SOX30: variants seen among roughly 807,000 people sequenced by gnomAD.
The protein encoded by SOX30 is transcription factor SOX-30.
Under a neutral mutation model 58.6 loss-of-function variants are expected in SOX30, and 17 were observed. The ratio of observed to expected loss-of-function variants is 0.29; its 90% CI spans 0.20 to 0.44. SOX30 has a LOEUF of 0.44. Among genes scored for constraint, SOX30 ranks in the 20% least tolerant of loss-of-function variants. SOX30 has a pLI of 1.00. For synonymous variants in SOX30, 421 were observed against 400.2 expected, an observed-to-expected ratio of 1.05 and a Z score of -0.62; for missense variants, 951 against 965.8, an observed-to-expected ratio of 0.98 and a Z score of 0.20.
intron 2 of SOX30, among the ~76,000 whole-genome samples, chr5:157,662,758 A>C (rs1368269128): frequency 6.6e-6 from 1 of 152,184 alleles, no homozygotes; most frequent in South Asian, 2.1e-4. Context: ...CTTATATCTG[A>C]TAAGAAACAT....
rs938247875 is a variant in SOX30 at position 157,648,960 on chromosome 5, G to A, written c.968-64C>T. 25 of 1,524,602 alleles carry A rather than the reference G, an allele frequency of 1.6e-5. 1 individual carries two copies. The highest frequency in any genetic ancestry group is 3.9e-5 in the South Asian group (3 of 77,374). The allele number at this position is 1,524,602 out of a possible 1,614,324, so 94.4% of individuals were successfully genotyped here. A position where few individuals can be genotyped will look rare whatever the true frequency, so the allele number is the denominator to read the frequency against. ...TACACACACACACACACAATTTTAAGGTAAAGTGCACCTCCGTCTATACTT... is the reference window on the plus strand; with the variant it reads ...TACACACACACACACACAATTTTAAAGTAAAGTGCACCTCCGTCTATACTT... On this transcript the variant is annotated intron_variant, in intron 1 of 4. Coordinates refer to ENST00000265007, the MANE Select transcript of SOX30 (RefSeq NM_178424.2).
chr5:157,635,236 T>C (rs1003428647), intron 4 of SOX30, among the ~76,000 whole-genome samples: 3 of 152,246 alleles, frequency 2.0e-5, no homozygotes, highest in Non-Finnish European at 4.4e-5. Context: ...TAAAATTCAG[T>C]ATAATAGCTA....
At chr5:157,644,410 T>C (rs545457431) in intron 3 of SOX30, among the ~76,000 whole-genome samples, 44 of 152,342 alleles carry the variant, frequency 2.9e-4, no homozygotes, top group African/African-American at 1.0e-3. Flanking sequence ...CTGAAGTGCT[T>C]CCTATAATTC....
At chr5:157,666,415 C>T (rs767548047) in intron 2 of SOX30, among the ~76,000 whole-genome samples, 12 of 151,778 alleles carry the variant, frequency 7.9e-5, no homozygotes, top group Non-Finnish European at 1.5e-4. Context: ...CCCTCTCAGC[C>T]TCCCAAAGTG....
intron 3 of SOX30, among the ~76,000 whole-genome samples, chr5:157,641,124 C>G (rs1484655296): frequency 6.6e-6 from 1 of 152,064 alleles, no homozygotes; most frequent in African/African-American, 2.4e-5. Context: ...TGCCATGGCT[C>G]ACATTTGTAA....
chr5:157,664,779 T>C lies in SOX30; in HGVS notation c.52+3019A>G, dbSNP rs184748854. Among the ~76,000 whole-genome samples, 20 of 152,164 alleles carry C rather than the reference T, an allele frequency of 1.3e-4. 1 individual carries two copies. In the East Asian group the frequency reaches 3.9e-3, roughly 29 times the overall value. ...AGAAAAAATCAACCCCATCAAAAAG[T>C]GGGTGAAGGATATGAACAGACCCTT... On this transcript the variant is annotated intron_variant, in intron 2 of 5. Coordinates refer to the SOX30 transcript ENST00000519442.
intron 1 of SOX30, among the ~76,000 whole-genome samples, chr5:157,670,370 C>A (rs756506423): frequency 6.6e-6 from 1 of 152,118 alleles, no homozygotes; most frequent in Non-Finnish European, 1.5e-5. Flanking sequence ...GCAGACAGAG[C>A]TTAAAAAGAG....
rs1758647596 is a variant in SOX30, at chr5:157,626,229, T to A, written c.*111A>T. 9.8e-7 allele frequency: 1 copy of A among 1,023,602 alleles called. No homozygotes were observed. The allele number at this position is 1,023,602 out of a possible 1,614,324, so 63.4% of individuals were successfully genotyped here. A position where few individuals can be genotyped will look rare whatever the true frequency, so the allele number is the denominator to read the frequency against. ...TTGCATTTGGTTTTAACTCCTCAAA[T>A]CACGACTGAAAACTTTCAACAAAGA... On this transcript the variant is annotated 3_prime_UTR_variant, in exon 5 of 5. Transcript: ENST00000265007.
intron 1 of SOX30, among the ~76,000 whole-genome samples, chr5:157,668,069 C>T (rs370122166): frequency 6.2e-4 from 94 of 152,302 alleles, no homozygotes; most frequent in South Asian, 1.2e-3. Flanking sequence ...GCCAGGCTGC[C>T]GCCCCAGTGA....
chr5:157,626,440 T>G lies in SOX30; in HGVS notation c.2162A>C (p.Asn721Thr). 6.2e-7 allele frequency: 1 copy of G among 1,614,228 alleles called. No individual in the cohort carries two copies. The highest frequency in any genetic ancestry group is 8.5e-7 in the Non-Finnish European group (1 of 1,180,042). The change falls in exon 5 of 5, where the codon AAT becomes ACT. Residue 721 changes from asparagine (N) to threonine (T), a missense_variant. This residue lies in a region of SOX30 where 381 missense variants were observed against 390.0 expected (regional missense o/e 0.98). Coordinates refer to ENST00000265007, the MANE Select transcript of SOX30 (RefSeq NM_178424.2). ...VPQLDIGTLE[N>T]VFTAPTSTPS... is the part of the protein sequence containing the mutation. Reference sequence around the variant, plus strand: ...AGTTGATGTCGGGGCTGTGAAGACATTCTCCAAGGTTCCAATGTCCAGCTG... The same window carrying G: ...AGTTGATGTCGGGGCTGTGAAGACAGTCTCCAAGGTTCCAATGTCCAGCTG...
chr5:157,667,371 C>T (rs1759692741), intron 2 of SOX30, among the ~76,000 whole-genome samples: 1 of 152,192 alleles, frequency 6.6e-6, no homozygotes, highest in South Asian at 2.1e-4. Flanking sequence ...AAATACATTT[C>T]ATTTCCCCTC....
chr5:157,665,573 A>C (rs1341680232), intron 2 of SOX30, among the ~76,000 whole-genome samples: 2 of 151,216 alleles, frequency 1.3e-5, no homozygotes, highest in Non-Finnish European at 2.9e-5. Flanking sequence ...CATTGTGCAC[A>C]TGTACCCTAA....
intron 3 of SOX30, among the ~76,000 whole-genome samples, chr5:157,645,754 C>T (rs1464853066): frequency 2.0e-5 from 3 of 151,828 alleles, no homozygotes; most frequent in East Asian, 1.9e-4. Context: ...GGCGTGGTGG[C>T]TCACACCTGT....
At chr5:157,638,823 T>A (rs1430687156) in intron 3 of SOX30, 101 bp from the exon 4 acceptor site, 29 of 1,145,880 alleles carry the variant, frequency 2.5e-5, no homozygotes. Flanking sequence ...GAGGCCTTCA[T>A]CAATCACCTT....
At position 157,625,979 on chromosome 5, in the gene SOX30, A is replaced by G. The variant is rs985269420; in HGVS notation, c.*361T>C. The G allele has an allele frequency of 1.2e-5, 2 of 161,688 alleles. No homozygotes were observed. Among genetic ancestry groups the G allele is most frequent in the African/African-American group, 4.8e-5 (2 of 41,874 alleles). The allele number at this position is 161,688 out of a possible 1,614,324, so 10.0% of individuals were successfully genotyped here. ...AAACAAAAAATCATTTAAAAAATGT[A>G]TCCTGAGATAAAATAAAAATCACAC... is the stretch of plus-strand genomic sequence containing the variant. On this transcript the variant is annotated 3_prime_UTR_variant, in exon 5 of 5. Coordinates refer to ENST00000265007, the MANE Select transcript of SOX30 (RefSeq NM_178424.2).
intron 2 of SOX30, among the ~76,000 whole-genome samples, chr5:157,662,510 G>C (rs944011551): frequency 1.3e-5 from 2 of 152,056 alleles, no homozygotes; most frequent in African/African-American, 4.8e-5. Context: ...CATTAATTTT[G>C]ATATGCTCTG....
chr5:157,653,526 G>A (rs565008986), upstream of SOX30, among the ~76,000 whole-genome samples: 24 of 152,252 alleles, frequency 1.6e-4, no homozygotes, highest in Admixed American at 4.6e-4. Flanking sequence ...CCTGTGTTAA[G>A]GGCTTACTCT....
chr5:157,627,414 A>T (rs1471566307), intron 4 of SOX30, among the ~76,000 whole-genome samples: 3 of 152,138 alleles, frequency 2.0e-5, no homozygotes, highest in Admixed American at 2.0e-4. Flanking sequence ...TTAGTAAACA[A>T]TGCAATAGTG....
intron 4 of SOX30, among the ~76,000 whole-genome samples, chr5:157,635,362 G>T (rs565832288): frequency 5.1e-4 from 78 of 152,316 alleles, no homozygotes; most frequent in African/African-American, 1.8e-3. Context: ...AGTGGCTCAT[G>T]CCTATAATCC....
Sources: gnomAD v4.1 joint callset for allele counts (sites outside exome capture counted in the v4.1 genomes callset) on GRCh38, gnomAD v4.1.1 for gene constraint, gnomAD v4.1.1 regional missense constraint, MANE v1.5 for transcripts, NCBI Gene and HGNC (gene_info 2026-07-23, HGNC 2026-07-21) for gene names.